FA2H: variants seen among roughly 807,000 people sequenced by gnomAD.
The protein encoded by FA2H is fatty acid 2-hydroxylase, also known as fatty acid alpha-hydroxylase.
Under a neutral mutation model 44.9 loss-of-function variants are expected in FA2H, and 22 were observed. That is an observed-to-expected ratio of 0.49 (90% CI 0.35 to 0.70). The LOEUF (loss-of-function observed/expected upper bound fraction) is 0.70, where lower values mean the gene tolerates loss of function less well. FA2H is among the 30% of genes least tolerant of loss of function. FA2H has a pLI of 0.01. For missense variants in FA2H, 501 were observed against 504.9 expected (o/e 0.99, Z 0.07); for synonymous variants, 243 against 213.2 (o/e 1.14, Z -1.22).
rs1288097330 is a variant in FA2H, at chr16:74,716,606, A to G, written c.787-7T>C. ...GGGAGCCGTCGAAGGGTGCCTGCAG[A>G]TGGAGAGGCTTGGGCATCAGGAGGC... On this transcript the variant is annotated splice_polypyrimidine_tract_variant and splice_region_variant and intron_variant, in intron 5 of 6. Transcript: ENST00000219368. 6.5e-7 allele frequency: 1 copy of G among 1,548,668 alleles called. No homozygotes were observed. The highest frequency in any genetic ancestry group is 8.7e-7 in the Non-Finnish European group (1 of 1,148,516).
chr16:74,759,863 T>A (rs1402025025), intron 1 of FA2H, among the ~76,000 whole-genome samples: 1 of 152,184 alleles, frequency 6.6e-6, no homozygotes, highest in Non-Finnish European at 1.5e-5. Flanking sequence ...CTTCCTCTCC[T>A]GGTGTCTGCT....
intron 4 of FA2H, among the ~76,000 whole-genome samples, chr16:74,721,434 C>T (rs1961836732): frequency 1.3e-5 from 2 of 152,200 alleles, no homozygotes; most frequent in Admixed American, 1.3e-4. Flanking sequence ...TCCCAAAGGG[C>T]TGGGATTACA....
chr16:74,733,055 C>T (rs1204634048), intron 2 of FA2H, among the ~76,000 whole-genome samples: 3 of 152,236 alleles, frequency 2.0e-5, no homozygotes. Context: ...TCCCAAGCTG[C>T]CTCTTGCCTG....
chr16:74,724,318 T>A (rs889009671), intron 4 of FA2H, among the ~76,000 whole-genome samples: 1 of 152,144 alleles, frequency 6.6e-6, no homozygotes, highest in Non-Finnish European at 1.5e-5. Flanking sequence ...CTGCCTCCCC[T>A]CCTCTCAGGG....
At position 74,714,067 on chromosome 16, in the gene FA2H, C is replaced by T; in HGVS notation, c.*123G>A. ...CCCCTCAGCACCTTCCACTAGGCTG[C>T]AGGGCCGGACACAGCCCATCCTGCC... On this transcript the variant is annotated 3_prime_UTR_variant, in exon 7 of 7. Coordinates refer to ENST00000219368, the MANE Select transcript of FA2H (RefSeq NM_024306.5). The T allele has an allele frequency of 1.5e-6, 1 of 677,806 alleles. No individual in the cohort carries two copies. Among genetic ancestry groups the T allele is most frequent in the Non-Finnish European group, 2.6e-6 (1 of 378,858 alleles). 42.0% of individuals were successfully genotyped at this position (677,806 alleles called of 1,614,324 possible).
intron 1 of FA2H, among the ~76,000 whole-genome samples, chr16:74,773,904 T>A (rs964570973): frequency 3.9e-5 from 6 of 152,032 alleles, no homozygotes; most frequent in Admixed American, 2.6e-4. Context: ...AGGACAAGAA[T>A]ATAAGGGAAG....
chr16:74,756,132 A>G (rs1158410992), intron 1 of FA2H, among the ~76,000 whole-genome samples: 2 of 152,148 alleles, frequency 1.3e-5, no homozygotes, highest in Non-Finnish European at 2.9e-5. Flanking sequence ...CCCCCTAGCA[A>G]TCATGGCTGC....
Position 74,774,795 on chromosome 16 carries a change from G to C in FA2H, c.-40C>G. 1 of 1,271,340 alleles carries C rather than the reference G, an allele frequency of 7.9e-7. No individual in the cohort carries two copies. The highest frequency in any genetic ancestry group is 1.6e-5 in the African/African-American group (1 of 64,236). 78.8% of individuals were successfully genotyped at this position (1,271,340 alleles called of 1,614,324 possible). On this transcript the variant is annotated 5_prime_UTR_variant, in exon 1 of 7. Transcript: ENST00000219368. ...GCTCCCAGCGCGCAGCCCGGCGTCT[G>C]CTCTGCTGCCACCCTGAGCGCCTCT...
chr16:74,724,459 G>C (rs1298513042), intron 4 of FA2H, among the ~76,000 whole-genome samples: 1 of 152,162 alleles, frequency 6.6e-6, no homozygotes, highest in Non-Finnish European at 1.5e-5. Context: ...TGTCAGCCTT[G>C]AACTGGTGTC....
At chr16:74,758,133 T>C (rs1962644365) in intron 1 of FA2H, among the ~76,000 whole-genome samples, 1 of 150,152 alleles carries the variant, frequency 6.7e-6, no homozygotes, top group South Asian at 2.1e-4. Flanking sequence ...TTTTTTTTTT[T>C]TTTTTGAGAC....
intron 2 of FA2H, among the ~76,000 whole-genome samples, chr16:74,731,156 A>ATTT (rs547324621): frequency 7.3e-6 from 1 of 136,116 alleles, no homozygotes; most frequent in Non-Finnish European, 1.6e-5. Context: ...AATCTCTGCC[A>ATTT]TTTTTTTTTT....
chr16:74,719,560 T>G (rs1467580845), intron 4 of FA2H, among the ~76,000 whole-genome samples: 1 of 151,992 alleles, frequency 6.6e-6, no homozygotes, highest in Admixed American at 6.6e-5. Context: ...GTCGCCCAGG[T>G]TGGAAGACTG....
intron 1 of FA2H, among the ~76,000 whole-genome samples, chr16:74,769,337 C>T (rs754005166): frequency 6.6e-6 from 1 of 151,960 alleles, no homozygotes; most frequent in Non-Finnish European, 1.5e-5. Flanking sequence ...GCTCTAGCGA[C>T]CTGCCCACCT....
intron 1 of FA2H, among the ~76,000 whole-genome samples, chr16:74,761,596 G>C (rs1012574877): frequency 6.6e-6 from 1 of 152,166 alleles, no homozygotes; most frequent in Non-Finnish European, 1.5e-5. Context: ...AGTTGCAAAA[G>C]ACAGCAAAAA....
chr16:74,723,250 A>G (rs547542646), intron 4 of FA2H, among the ~76,000 whole-genome samples: 2 of 152,290 alleles, frequency 1.3e-5, no homozygotes, highest in East Asian at 3.9e-4. Context: ...GTTGGAATCC[A>G]TAGCTCCCCC....
intron 2 of FA2H, among the ~76,000 whole-genome samples, chr16:74,737,888 A>G (rs966667640): frequency 6.6e-6 from 1 of 152,182 alleles, no homozygotes; most frequent in Non-Finnish European, 1.5e-5. Flanking sequence ...GAGAGGGCTC[A>G]GGTTGGAGCA....
At chr16:74,730,100 C>A (rs1204652891) in intron 2 of FA2H, among the ~76,000 whole-genome samples, 1 of 152,156 alleles carries the variant, frequency 6.6e-6, no homozygotes, top group African/African-American at 2.4e-5. Context: ...CAGGAACTAG[C>A]CCTTACATGC....
At chr16:74,729,791 C>A (rs184721554) in intron 2 of FA2H, among the ~76,000 whole-genome samples, 1 of 151,922 alleles carries the variant, frequency 6.6e-6, no homozygotes, top group East Asian at 1.9e-4. Context: ...TCAGTGCCCT[C>A]ATCTGTGATG....
chr16:74,751,391 T>C (rs1472107864), intron 1 of FA2H, among the ~76,000 whole-genome samples: 2 of 152,126 alleles, frequency 1.3e-5, no homozygotes, highest in Non-Finnish European at 2.9e-5. Context: ...CCACTGCGCC[T>C]GGCCCCATCA....
Sources: allele counts gnomAD v4.1 joint callset (sites outside exome capture counted in the v4.1 genomes callset), GRCh38; gene constraint gnomAD v4.1.1; transcripts MANE v1.5; gene names NCBI Gene and HGNC (gene_info 2026-07-23, HGNC 2026-07-21).